Variants in GMDS observed in about 807,000 individuals in gnomAD.
The protein encoded by GMDS is GDP-mannose 4,6-dehydratase.
GMDS carries 20 observed loss-of-function variants against 49.9 expected under a neutral mutation model. That is an observed-to-expected ratio of 0.40 (90% confidence interval 0.28 to 0.58). The LOEUF is 0.58. Ranked by LOEUF, GMDS falls within the 20% of genes least tolerant of loss-of-function variation. The probability of loss-of-function intolerance (pLI) is 0.42; values close to 1 mark genes in which losing one functional copy is unlikely to be tolerated. For synonymous variants in GMDS, 177 were observed against 178.6 expected (o/e 0.99, Z 0.07); for missense variants, 362 against 481.4 (o/e 0.75, Z 2.32).
intron 4 of GMDS, among the ~76,000 whole-genome samples, chr6:2,065,818 G>A (rs1249617243): frequency 2.0e-5 from 3 of 152,192 alleles, no homozygotes; most frequent in Non-Finnish European, 4.4e-5. Flanking sequence ...AAGTCACGGG[G>A]AGAATGGAAC....
At chr6:2,076,599 T>C (rs1772354836) in intron 4 of GMDS, among the ~76,000 whole-genome samples, 1 of 152,054 alleles carries the variant, frequency 6.6e-6, no homozygotes, top group Non-Finnish European at 1.5e-5. Flanking sequence ...CCCTCAGAAA[T>C]AATGCCACAT....
chr6:1,695,452 C>G (rs1459227115), intron 9 of GMDS, among the ~76,000 whole-genome samples: 2 of 152,198 alleles, frequency 1.3e-5, no homozygotes, highest in African/African-American at 4.8e-5. Flanking sequence ...TATTTTTCAT[C>G]TGAATGGTTC....
chr6:1,821,885 T>C (rs943006151), intron 7 of GMDS, among the ~76,000 whole-genome samples: 3 of 152,134 alleles, frequency 2.0e-5, no homozygotes, highest in African/African-American at 7.2e-5. Flanking sequence ...CACATCTGTT[T>C]CCAGTGCAAT....
intron 7 of GMDS, among the ~76,000 whole-genome samples, chr6:1,801,516 C>A (rs188370326): frequency 1.3e-5 from 2 of 152,334 alleles, no homozygotes; most frequent in Non-Finnish European, 2.9e-5. Context: ...GTGGAGGCAA[C>A]CCGCAACATT....
intron 7 of GMDS, among the ~76,000 whole-genome samples, chr6:1,777,452 ACTG>A (rs1768883465): frequency 6.6e-6 from 1 of 152,250 alleles, no homozygotes. Flanking sequence ...TTCCAGATTT[ACTG>A]CTGAAGGCTG....
chr6:1,816,254 T>A (rs563338602), intron 7 of GMDS, among the ~76,000 whole-genome samples: 1 of 152,360 alleles, frequency 6.6e-6, no homozygotes, highest in South Asian at 2.1e-4. Context: ...TTATGGAAGA[T>A]CTGCCATGTG....
intron 6 of GMDS, among the ~76,000 whole-genome samples, chr6:1,943,992 A>C (rs1294014632): frequency 1.3e-5 from 2 of 152,204 alleles, no homozygotes; most frequent in Non-Finnish European, 2.9e-5. Context: ...CTTTTTGCAG[A>C]AATGACTTAT....
Position 2,005,037 on chromosome 6 carries a change from G to A in GMDS, c.346-44071C>T, listed in dbSNP as rs1373981820. Among the ~76,000 whole-genome samples the A allele has an allele frequency of 2.0e-5, 3 of 152,100 alleles. No homozygotes were observed. In the East Asian group the frequency reaches 5.8e-4, roughly 29 times the overall value. ...TTATAGGTAAGTCAGAGCTTCTCAA[G>A]TACTTAAGAAGTACTTAAGGGTGCT... On this transcript the variant is annotated intron_variant, in intron 4 of 10. Coordinates refer to ENST00000380815, the MANE Select transcript of GMDS (RefSeq NM_001500.4).
chr6:2,176,932 G>A (rs1165800915), intron 1 of GMDS, among the ~76,000 whole-genome samples: 2 of 152,162 alleles, frequency 1.3e-5, no homozygotes, highest in Admixed American at 6.5e-5. Flanking sequence ...AGCAACCTAA[G>A]CAGGCAGCAG....
chr6:1,803,331 T>C (rs981858929), intron 7 of GMDS, among the ~76,000 whole-genome samples: 1 of 152,184 alleles, frequency 6.6e-6, no homozygotes, highest in Non-Finnish European at 1.5e-5. Flanking sequence ...GCAAAAAACG[T>C]CTCTGGGCTG....
chr6:1,958,014 C>A (rs1203043404), intron 6 of GMDS, among the ~76,000 whole-genome samples: 1 of 151,936 alleles, frequency 6.6e-6, no homozygotes, highest in Non-Finnish European at 1.5e-5. Context: ...CTATGTTGCC[C>A]AGGCTGGTCC....
intron 9 of GMDS, among the ~76,000 whole-genome samples, chr6:1,709,306 T>C (rs1361378724): frequency 6.6e-6 from 1 of 152,130 alleles, no homozygotes; most frequent in Non-Finnish European, 1.5e-5. Context: ...AGTTTTTGGG[T>C]GACCCAGTGC....
chr6:1,775,398 T>A (rs1239692990), intron 7 of GMDS, among the ~76,000 whole-genome samples: 1 of 152,220 alleles, frequency 6.6e-6, no homozygotes, highest in South Asian at 2.1e-4. Flanking sequence ...CTTTTCCTTT[T>A]ACTCTGTTGA....
At chr6:2,131,750 C>G (rs1775749444) in intron 1 of GMDS, among the ~76,000 whole-genome samples, 1 of 151,730 alleles carries the variant, frequency 6.6e-6, no homozygotes, top group African/African-American at 2.4e-5. Flanking sequence ...ACCTGCTCAT[C>G]ACTACGTGAA....
intron 7 of GMDS, among the ~76,000 whole-genome samples, chr6:1,758,509 G>C (rs1163631140): frequency 4.6e-5 from 7 of 152,204 alleles, no homozygotes; most frequent in African/African-American, 1.7e-4. Flanking sequence ...GAGGGGGTAG[G>C]TGTTCTCAAA....
intron 4 of GMDS, among the ~76,000 whole-genome samples, chr6:2,049,874 A>G (rs1770273343): frequency 6.6e-6 from 1 of 152,236 alleles, no homozygotes; most frequent in African/African-American, 2.4e-5. Flanking sequence ...GACACATGTA[A>G]AGCAGTGTGT....
chr6:2,112,175 G>C (rs892815269), intron 4 of GMDS, among the ~76,000 whole-genome samples: 1 of 152,180 alleles, frequency 6.6e-6, no homozygotes, highest in African/African-American at 2.4e-5. Flanking sequence ...CTCAGACTAT[G>C]TACAATTCAG....
At chr6:1,741,506 C>G (rs1000214306) in intron 8 of GMDS, among the ~76,000 whole-genome samples, 1 of 151,922 alleles carries the variant, frequency 6.6e-6, no homozygotes, top group Admixed American at 6.6e-5. Flanking sequence ...AAATTTCTTT[C>G]ATCTTTCTTT....
intron 7 of GMDS, among the ~76,000 whole-genome samples, chr6:1,874,692 G>A (rs935532191): frequency 6.6e-6 from 1 of 152,086 alleles, no homozygotes; most frequent in Non-Finnish European, 1.5e-5. Context: ...TATAAAATAC[G>A]TATATATAAT....
Sources: allele counts gnomAD v4.1 joint callset (sites outside exome capture counted in the v4.1 genomes callset), GRCh38; gene constraint gnomAD v4.1.1; transcripts MANE v1.5; gene names NCBI Gene and HGNC (gene_info 2026-07-23, HGNC 2026-07-21).